Variants in RB1 observed in about 807,000 individuals in gnomAD.
RB1 encodes retinoblastoma-associated protein.
In RB1, 18 loss-of-function variants were observed where a neutral mutation model predicts 135.4. That is an observed-to-expected ratio of 0.13 (90% CI 0.09 to 0.20). The LOEUF (loss-of-function observed/expected upper bound fraction) is 0.20, where lower values mean the gene tolerates loss of function less well. RB1 is among the 10% of genes least tolerant of loss of function. RB1 has a pLI of 1.00. For synonymous variants in RB1, 365 were observed against 373.2 expected (o/e 0.98, Z 0.25); for missense variants, 868 against 1,110.0 (o/e 0.78, Z 3.10).
intron 2 of RB1, chr13:48,318,123 G>A (rs574544616): frequency 5.8e-6 from 3 of 514,320 alleles, no homozygotes; most frequent in East Asian, 3.7e-5. Context: ...GGCCGGGGCC[G>A]TGTCCTGGCT....
intron 17 of RB1, chr13:48,408,626 C>T (rs1251043302): frequency 2.0e-5 from 3 of 152,070 alleles, no homozygotes; most frequent in Non-Finnish European, 4.4e-5. Context: ...TGACTTACCA[C>T]AAAGTACAAC....
chr13:48,372,166 C>G (rs554384289), intron 11 of RB1, among the ~76,000 whole-genome samples: 19 of 152,092 alleles, frequency 1.2e-4, no homozygotes, highest in Admixed American at 2.6e-4. Context: ...GAGATTGAAG[C>G]GAAGAAAGCT....
At chr13:48,327,985 A>C (rs4151442) in intron 2 of RB1, 29,376 of 568,966 alleles carry the variant, frequency 0.052, 3,546 homozygotes, top group African/African-American at 0.33. Flanking sequence ...AGAAAAAAAA[A>C]GTGGCTCCAA....
chr13:48,365,058 T>C lies in RB1; in HGVS notation c.939+87T>C, dbSNP rs3092863. ...GTCTAACTTTCTTAGATCAATTTAC[T>C]GTGTATCACATTTTTTTTTTGCCCA... On this transcript the variant is annotated intron_variant, in intron 9 of 26. Transcript: ENST00000267163. 1,750 of 1,443,208 alleles carry C rather than the reference T, an allele frequency of 1.2e-3. 22 individuals are homozygous for C. In the African/African-American group the frequency reaches 0.023, roughly 19 times the overall value. The allele number at this position is 1,443,208 out of a possible 1,614,324, so 89.4% of individuals were successfully genotyped here. A position where few individuals can be genotyped will look rare whatever the true frequency, so the allele number is the denominator to read the frequency against.
At position 48,481,404 on chromosome 13, in the gene RB1, G is replaced by A. The variant is rs1475216133; in HGVS notation, c.*1333G>A. The A allele has an allele frequency of 1.7e-5, 4 of 231,518 alleles. No individual in the cohort carries two copies. The highest frequency in any genetic ancestry group is 3.4e-5 in the Non-Finnish European group (4 of 117,060). 14.3% of individuals were successfully genotyped at this position (231,518 alleles called of 1,614,324 possible). ...CTATCTTGTGTGATTAACTTATTTA[G>A]AGATGCTGTAACTTAAAATAGGGGA... On this transcript the variant is annotated 3_prime_UTR_variant, in exon 27 of 27. Coordinates refer to ENST00000267163, the MANE Select transcript of RB1 (RefSeq NM_000321.3).
chr13:48,372,559 G>T (rs1189131950), intron 11 of RB1, among the ~76,000 whole-genome samples: 1 of 151,928 alleles, frequency 6.6e-6, no homozygotes, highest in African/African-American at 2.4e-5. Context: ...GCTGAGGCAG[G>T]AGAATCACTT....
At chr13:48,406,554 A>T (rs1477638164) in intron 17 of RB1, 4 of 152,284 alleles carry the variant, frequency 2.6e-5, no homozygotes, top group Admixed American at 2.6e-4. Context: ...TGTCTCCCCT[A>T]CCTTGAAATT....
At chr13:48,308,320 A>C (rs1440534930) in intron 2 of RB1, among the ~76,000 whole-genome samples, 1 of 149,168 alleles carries the variant, frequency 6.7e-6, no homozygotes. Context: ...ACTGCACTCC[A>C]GCCTGGGCAA....
chr13:48,312,206 T>A (rs1205459634), intron 2 of RB1, among the ~76,000 whole-genome samples: 1 of 152,248 alleles, frequency 6.6e-6, no homozygotes, highest in East Asian at 1.9e-4. Flanking sequence ...ATTTTGATTT[T>A]AACCTATTTC....
intron 17 of RB1, among the ~76,000 whole-genome samples, chr13:48,435,556 A>G (rs1949174931): frequency 1.3e-5 from 2 of 152,112 alleles, no homozygotes; most frequent in Admixed American, 6.6e-5. Context: ...TTCTCATCCA[A>G]AAGTTTTTAA....
chr13:48,384,413 T>A (rs1341296533), intron 17 of RB1, among the ~76,000 whole-genome samples: 1 of 152,186 alleles, frequency 6.6e-6, no homozygotes, highest in Admixed American at 6.6e-5. Context: ...AGAAGGGATA[T>A]GGCATAGATA....
chr13:48,448,106 C>G (rs1056228359), intron 17 of RB1, among the ~76,000 whole-genome samples: 18 of 152,008 alleles, frequency 1.2e-4, no homozygotes, highest in African/African-American at 3.9e-4. Flanking sequence ...TATACTCATA[C>G]CATTTTAGTT....
intron 23 of RB1, among the ~76,000 whole-genome samples, chr13:48,466,114 C>A (rs1420558945): frequency 2.0e-5 from 3 of 149,914 alleles, no homozygotes; most frequent in Admixed American, 6.7e-5. Context: ...AGGGCACAGA[C>A]AAACAAAAAG....
chr13:48,374,608 T>G (rs1952799942), intron 12 of RB1, among the ~76,000 whole-genome samples: 1 of 152,244 alleles, frequency 6.6e-6, no homozygotes, highest in African/African-American at 2.4e-5. Context: ...TTATGAGTTA[T>G]CTATAGCACA....
intron 1 of RB1, 45 bp downstream of exon 1, chr13:48,304,094 C>A (rs1476120490): frequency 3.6e-6 from 5 of 1,375,916 alleles, no homozygotes; most frequent in Admixed American, 3.8e-5. Context: ...AAGGGCGCCC[C>A]GGGTGTGCGT....
intron 6 of RB1, among the ~76,000 whole-genome samples, chr13:48,349,266 ATGTTAC>A (rs1952525487): frequency 2.0e-5 from 3 of 151,888 alleles, no homozygotes; most frequent in African/African-American, 7.2e-5. Context: ...AAGAATAATG[ATGTTAC>A]TGTTTTCATA....
chr13:48,421,924 G>A (rs1292636784), intron 17 of RB1, among the ~76,000 whole-genome samples: 2 of 152,172 alleles, frequency 1.3e-5, no homozygotes. Flanking sequence ...TGGTGGGAGT[G>A]TAAATTAGTT....
intron 17 of RB1, chr13:48,415,587 T>C (rs569053973): frequency 6.6e-6 from 1 of 152,262 alleles, no homozygotes; most frequent in East Asian, 1.9e-4. Flanking sequence ...CCTGTTCATT[T>C]ATAGTTTTTT....
intron 17 of RB1, among the ~76,000 whole-genome samples, chr13:48,401,108 G>C (rs987312183): frequency 6.6e-6 from 1 of 152,114 alleles, no homozygotes; most frequent in Non-Finnish European, 1.5e-5. Context: ...CCTGAGGGTG[G>C]TGTTAGTTCA....
Sources: allele counts gnomAD v4.1 joint callset (sites outside exome capture counted in the v4.1 genomes callset), GRCh38; gene constraint gnomAD v4.1.1; transcripts MANE v1.5; gene names NCBI Gene and HGNC (gene_info 2026-07-23, HGNC 2026-07-21).